Variants in SIM2 observed in about 807,000 individuals in gnomAD.
SIM2 encodes the protein SIM bHLH transcription factor 2, also known as single-minded homolog 2.
Under a neutral mutation model 64.8 loss-of-function variants are expected in SIM2, and 28 were observed. The observed-to-expected ratio is 0.43, with a 90% CI of 0.32 to 0.59. The LOEUF (loss-of-function observed/expected upper bound fraction) is 0.59, where lower values mean the gene tolerates loss of function less well. SIM2 is among the 20% of genes least tolerant of loss of function. The probability of loss-of-function intolerance (pLI) is 0.07; values close to 1 mark genes in which losing one functional copy is unlikely to be tolerated. For synonymous variants in SIM2, 408 were observed against 391.1 expected (o/e 1.04, Z -0.51); for missense variants, 847 against 871.4 (o/e 0.97, Z 0.35).
intron 7 of SIM2, among the ~76,000 whole-genome samples, chr21:36,738,280 G>A (rs1028046232): frequency 6.6e-6 from 1 of 152,114 alleles, no homozygotes; most frequent in Non-Finnish European, 1.5e-5. Context: ...GCCAAGGCAG[G>A]CAGATCATGA....
intron 7 of SIM2, among the ~76,000 whole-genome samples, chr21:36,731,422 C>T (rs1427771251): frequency 6.6e-6 from 1 of 152,166 alleles, no homozygotes; most frequent in Non-Finnish European, 1.5e-5. Context: ...GATGTGGAAC[C>T]TAAACTCTGT....
At chr21:36,723,401 G>C (rs1343570166) in intron 5 of SIM2, among the ~76,000 whole-genome samples, 1 of 152,116 alleles carries the variant, frequency 6.6e-6, no homozygotes, top group Admixed American at 6.5e-5. Flanking sequence ...CTTTCCATGT[G>C]GACCAGTCCC....
chr21:36,704,634 T>C (rs927728643), intron 1 of SIM2, among the ~76,000 whole-genome samples: 2 of 152,080 alleles, frequency 1.3e-5, no homozygotes, highest in African/African-American at 4.8e-5. Flanking sequence ...TCCGGGCGGC[T>C]GTGGGTGCCG....
chr21:36,738,981 C>T (rs893289376), intron 7 of SIM2, among the ~76,000 whole-genome samples: 1 of 152,194 alleles, frequency 6.6e-6, no homozygotes, highest in African/African-American at 2.4e-5. Context: ...TTCATCCTGA[C>T]GGGGTGGTGG....
intron 7 of SIM2, among the ~76,000 whole-genome samples, chr21:36,740,502 A>G (rs970784292): frequency 6.6e-6 from 1 of 151,884 alleles, no homozygotes; most frequent in Non-Finnish European, 1.5e-5. Flanking sequence ...ATCTGTACGA[A>G]CCCCCTATAT....
At chr21:36,742,399 C>T (rs2089173477) in intron 8 of SIM2, among the ~76,000 whole-genome samples, 3 of 149,740 alleles carry the variant, frequency 2.0e-5, no homozygotes. Context: ...GTCGCAAATG[C>T]CTTTTTTTTT....
Position 36,712,534 on chromosome 21 carries a change from C to G in SIM2, c.260C>G (p.Thr87Ser). The part of the protein sequence containing the change: ...AKELGSHLLQ[T>S]LDGFVFVVAS... ...ATTCTGACACTTTATCTTTTACAGA[C>G]TTTGGATGGATTTGTTTTTGTGGTA... Residue 87 changes from threonine (T) to serine (S), a missense_variant and splice_region_variant, in exon 3 of 11, where the codon ACT becomes AGT. By Grantham distance (58) the Thr-to-Ser change is moderately conservative (BLOSUM62 1). Coordinates refer to ENST00000290399, the MANE Select transcript of SIM2 (RefSeq NM_005069.6). The G allele has an allele frequency of 6.2e-7, 1 of 1,603,522 alleles. No homozygotes were observed. The highest frequency in any genetic ancestry group is 8.5e-7 in the Non-Finnish European group (1 of 1,170,592).
chr21:36,724,764 T>A (rs537339915), intron 5 of SIM2, among the ~76,000 whole-genome samples: 1 of 152,320 alleles, frequency 6.6e-6, no homozygotes, highest in African/African-American at 2.4e-5. Context: ...GAGAAAGAGT[T>A]TTGGAACAGA....
At position 36,699,821 on chromosome 21, in the gene SIM2, G is replaced by T; in HGVS notation, c.75G>T (p.Lys25Asn). ...ATGGCGAGTTTTACGAGCTTGCCAA[G>T]CTGCTCCCGCTGCCGTCGGCCATCA... Reference protein sequence around the residue: ...KENGEFYELAKLLPLPSAITS... With the variant: ...KENGEFYELANLLPLPSAITS... The change falls in exon 1 of 11, where the codon AAG (lysine) becomes AAT (asparagine). Residue 25 changes from lysine to asparagine, a missense_variant. Around this residue, in one of 3 missense-constraint regions of SIM2, gnomAD observed 397 missense variants for 439.2 expected, o/e 0.90. Coordinates refer to ENST00000290399, the MANE Select transcript of SIM2 (RefSeq NM_005069.6). This position sits in a 1 kb window ranked among gnomAD's most constrained non-coding sequence, Gnocchi z 5.6. 1 of 1,611,380 alleles carries T rather than the reference G, an allele frequency of 6.2e-7. No individual in the cohort carries two copies. Among genetic ancestry groups the T allele is most frequent in the Admixed American group, 1.7e-5 (1 of 59,814 alleles).
At chr21:36,719,763 C>T in intron 3 of SIM2, 58 bp from the exon 4 acceptor site, 3 of 1,023,520 alleles carry the variant, frequency 2.9e-6, no homozygotes, top group African/African-American at 1.6e-5. Context: ...CCTTGCCCCT[C>T]CCCCTGCGCC....
chr21:36,735,492 C>G (rs556175649), intron 7 of SIM2, among the ~76,000 whole-genome samples: 2 of 152,338 alleles, frequency 1.3e-5, no homozygotes, highest in East Asian at 3.9e-4. Flanking sequence ...ACCCACACCA[C>G]TGCTGTGTGA....
Position 36,699,319 on chromosome 21 carries a change from C to G in SIM2, c.-428C>G, listed in dbSNP as rs1392398789. 2 of 151,612 alleles carry G rather than the reference C, an allele frequency of 1.3e-5. No homozygotes were observed. Among genetic ancestry groups the G allele is most frequent in the African/African-American group, 4.9e-5 (2 of 41,234 alleles). 9.4% of individuals were successfully genotyped at this position (151,612 alleles called of 1,614,324 possible). A position where few individuals can be genotyped will look rare whatever the true frequency, so the allele number is the denominator to read the frequency against. On this transcript the variant is annotated 5_prime_UTR_variant, in exon 1 of 11. Coordinates refer to ENST00000290399, the MANE Select transcript of SIM2 (RefSeq NM_005069.6). This position sits in a 1 kb window ranked among gnomAD's most constrained non-coding sequence, Gnocchi z 5.6. ...TCCATGGCTCCGCGGCCACCGCCGC[C>G]CCTGTCGCCCTCCGGTCCGGAGGGG...
chr21:36,716,438 C>T (rs771239098), intron 3 of SIM2, among the ~76,000 whole-genome samples: 1 of 152,218 alleles, frequency 6.6e-6, no homozygotes. Flanking sequence ...CAGAAACAAC[C>T]ATAAACATAT....
chr21:36,719,293 TTGTC>T (rs1175738715), intron 3 of SIM2, among the ~76,000 whole-genome samples: 1 of 152,244 alleles, frequency 6.6e-6, no homozygotes, highest in Non-Finnish European at 1.5e-5. Flanking sequence ...GAAAGGGCCT[TTGTC>T]TGAGTTCATG....
rs1395912971 is a variant in SIM2, at chr21:36,708,792, G to A, written c.176-376G>A. 1.3e-4 allele frequency among the ~76,000 whole-genome samples: 20 copies of A among 152,226 alleles called. No individual in the cohort carries two copies. In the East Asian group the frequency reaches 3.7e-3, roughly 28 times the overall value. ...TGGGGGAATATTTGCGGGTCAAATC[G>A]ATATCCCCGTTTGGCCACGAGAATG... On this transcript the variant is annotated intron_variant, in intron 1 of 10. Coordinates refer to ENST00000290399, the MANE Select transcript of SIM2 (RefSeq NM_005069.6).
chr21:36,717,904 G>A (rs533943610), intron 3 of SIM2, among the ~76,000 whole-genome samples: 2 of 152,158 alleles, frequency 1.3e-5, no homozygotes, highest in African/African-American at 2.4e-5. Context: ...CTCGAAAGAA[G>A]AATATTTAGT....
intron 1 of SIM2, among the ~76,000 whole-genome samples, chr21:36,707,973 G>GTTCCTGGGGTGGGGAGCAGGCAT (rs780782783): frequency 6.6e-6 from 1 of 150,992 alleles, no homozygotes; most frequent in Non-Finnish European, 1.5e-5. Flanking sequence ...GCCTGGCCCA[G>GTTCCTGGGGTGGGGAGCAGGCAT]CGTGGGTTGG....
In SIM2 at chr21:36,743,488, G is replaced by C. The variant is rs1470146066; in HGVS notation, c.1100G>C (p.Arg367Thr). The change falls in exon 9 of 11, where the codon AGG becomes ACG. Residue 367 changes from arginine (R) to threonine (T), a missense_variant. Transcript: ENST00000290399. ...GCCTTGTCTACCTCACAAGAAACTA[G>C]GAAATTAGTGAAACCCAAAAATACC... ...RTALSTSQET[R>T]KLVKPKNTKM... The C allele has an allele frequency of 2.5e-6, 4 of 1,614,134 alleles. No individual in the cohort carries two copies. The highest frequency in any genetic ancestry group is 2.2e-5 in the East Asian group (1 of 44,882).
rs2088691785 is a variant in SIM2 at position 36,712,573 on chromosome 21, A to G, written c.299A>G (p.Lys100Arg). The G allele has an allele frequency of 6.2e-7, 1 of 1,613,938 alleles. No homozygotes were observed. The highest frequency in any genetic ancestry group is 8.5e-7 in the Non-Finnish European group (1 of 1,179,880). ...GFVFVVASDG[K>R]IMYISETASV... ...GTTTTTGTGGTAGCATCTGATGGCA[A>G]AATCATGTATATATCCGAGACCGCT... is the stretch of plus-strand genomic sequence containing the variant. Residue 100 changes from lysine to arginine, a missense_variant, in exon 3 of 11, where the codon AAA becomes AGA. Physicochemically the swap from Lys to Arg is conservative, Grantham distance 26. Transcript: ENST00000290399.
Sources: gnomAD v4.1 joint callset for allele counts (sites outside exome capture counted in the v4.1 genomes callset) on GRCh38, gnomAD v4.1.1 for gene constraint, gnomAD v4.1.1 regional missense constraint, Gnocchi (gnomAD v3.1) non-coding constraint, MANE v1.5 for transcripts, NCBI Gene and HGNC (gene_info 2026-07-23, HGNC 2026-07-21) for gene names.